Variants in PPARA observed in about 807,000 individuals in gnomAD.
PPARA encodes peroxisome proliferator-activated receptor alpha.
Under a neutral mutation model 42.2 loss-of-function variants are expected in PPARA, and 22 were observed. The observed-to-expected ratio is 0.52, with a 90% CI of 0.37 to 0.74. The LOEUF is 0.74. PPARA is among the 30% of genes least tolerant of loss of function. The pLI is 0.00. For synonymous variants in PPARA, 242 were observed against 239.3 expected, an observed-to-expected ratio of 1.01 and a Z score of -0.10; for missense variants, 465 against 608.2, an observed-to-expected ratio of 0.76 and a Z score of 2.48.
In PPARA at chr22:46,208,980, T is replaced by A. The variant is rs550603629; in HGVS notation, c.209-6193T>A. ...TTCGTTCATTAATGATCATTTAGGATGATTCCACATCAGGCTACTGTGTAT... is the reference window on the plus strand; with the variant it reads ...TTCGTTCATTAATGATCATTTAGGAAGATTCCACATCAGGCTACTGTGTAT... On this transcript the variant is annotated intron_variant, in intron 4 of 8. Transcript: ENST00000407236. 2.0e-5 allele frequency among the ~76,000 whole-genome samples: 3 copies of A among 152,232 alleles called. No homozygotes were observed. The East Asian group carries it at 5.8e-4, about 29-fold the overall frequency.
intron 2 of PPARA, among the ~76,000 whole-genome samples, chr22:46,174,245 A>AGAAGGAAGGAAGGAAG (rs1569196799): frequency 0.011 from 11 of 976 alleles, 1 homozygote; most frequent in African/African-American, 0.044. Context: ...AGAGAAAGAA[A>AGAAGGAAGGAAGGAAG]GAAAGAAGGA....
In PPARA at chr22:46,185,954, T is replaced by C. The variant is rs1274080745; in HGVS notation, c.-43+9118T>C. 1.2e-3 allele frequency among the ~76,000 whole-genome samples: 65 copies of C among 56,136 alleles called. 3 individuals carry two copies. The highest frequency in any genetic ancestry group is 3.8e-3 in the African/African-American group (59 of 15,364). The allele number at this position is 56,136 out of a possible 152,430, so 36.8% of individuals were successfully genotyped here. ...ATATATATATATATATATATATATA[T>C]ATATATATATACACACACACTAACC... is the stretch of plus-strand genomic sequence containing the variant. On this transcript the variant is annotated intron_variant, in intron 3 of 8. Transcript: ENST00000407236.
At chr22:46,189,676 G>A (rs1008267358) in intron 3 of PPARA, among the ~76,000 whole-genome samples, 9 of 151,480 alleles carry the variant, frequency 5.9e-5, no homozygotes, top group African/African-American at 2.2e-4. Context: ...TTTGGCACTG[G>A]TAATGATTAA....
chr22:46,189,815 C>T (rs1931297317), intron 3 of PPARA, among the ~76,000 whole-genome samples: 1 of 151,904 alleles, frequency 6.6e-6, no homozygotes, highest in South Asian at 2.1e-4. Context: ...AAGTGATTCT[C>T]CTGCCTCAGC....
Position 46,235,027 on chromosome 22 carries a change from T to C in PPARA, c.1160-106T>C. The C allele has an allele frequency of 6.6e-7, 1 of 1,519,788 alleles. No individual in the cohort carries two copies. The highest frequency in any genetic ancestry group is 1.7e-5 in the Admixed American group (1 of 59,172). The allele number at this position is 1,519,788 out of a possible 1,614,324, so 94.1% of individuals were successfully genotyped here. A position where few individuals can be genotyped will look rare whatever the true frequency, so the allele number is the denominator to read the frequency against. ...CAATATCTAAAGGCAGCTCAGTTTT[T>C]TTCTAAGAAAGGCCACATAAAATAG... On this transcript the variant is annotated intron_variant, in intron 8 of 8. Coordinates refer to ENST00000407236, the MANE Select transcript of PPARA (RefSeq NM_005036.6). This position sits in a 1 kb window ranked among gnomAD's most constrained non-coding sequence, Gnocchi z 7.0.
intron 3 of PPARA, among the ~76,000 whole-genome samples, chr22:46,179,260 A>G (rs1929602357): frequency 6.6e-6 from 1 of 152,244 alleles, no homozygotes; most frequent in Non-Finnish European, 1.5e-5. Flanking sequence ...ATATTACATC[A>G]TAACCAGTAG....
At chr22:46,166,949 A>G (rs1927167559) in intron 2 of PPARA, among the ~76,000 whole-genome samples, 1 of 152,320 alleles carries the variant, frequency 6.6e-6, no homozygotes, top group South Asian at 2.1e-4. Flanking sequence ...AGAACAACAC[A>G]GTTGAAGGAC....
chr22:46,177,331 A>G (rs1336006953), intron 3 of PPARA, among the ~76,000 whole-genome samples: 3 of 151,884 alleles, frequency 2.0e-5, no homozygotes, highest in East Asian at 3.9e-4. Context: ...ACTGATGACA[A>G]TATTTGGTAT....
Position 46,204,815 on chromosome 22 carries a change from T to C in PPARA, c.208+6224T>C, listed in dbSNP as rs564414334. ...TCCCCAGTGTGTGGTTTGTCTTTCT[T>C]TTCTTTCTACTGATAGTATCTTAAA... On this transcript the variant is annotated intron_variant, in intron 4 of 8. Coordinates refer to ENST00000407236, the MANE Select transcript of PPARA (RefSeq NM_005036.6). This position sits in a 1 kb window ranked among gnomAD's most constrained non-coding sequence, Gnocchi z 5.2. Among the ~76,000 whole-genome samples the C allele has an allele frequency of 6.6e-6, 1 of 152,234 alleles. No individual in the cohort carries two copies. Among genetic ancestry groups the C allele is most frequent in the African/African-American group, 2.4e-5 (1 of 41,542 alleles).
intron 2 of PPARA, among the ~76,000 whole-genome samples, chr22:46,169,333 C>T (rs1354514093): frequency 6.6e-6 from 1 of 151,968 alleles, no homozygotes; most frequent in Non-Finnish European, 1.5e-5. Context: ...CTCCCGGGTT[C>T]ACGCCAATCT....
intron 5 of PPARA, among the ~76,000 whole-genome samples, chr22:46,217,956 G>C (rs1275071933): frequency 6.7e-6 from 1 of 148,686 alleles, no homozygotes; most frequent in African/African-American, 2.5e-5. Context: ...TCAGCCTCCT[G>C]AGTAGCTGGG....
At position 46,232,339 on chromosome 22, in the gene PPARA, G is replaced by A. The variant is rs1458794991; in HGVS notation, c.1159+100G>A. On this transcript the variant is annotated intron_variant, in intron 8 of 8. Transcript: ENST00000407236. The surrounding 1 kb of genome is among the most constrained non-coding windows in gnomAD (Gnocchi z 5.3). Reference sequence around the variant, plus strand: ...TCCAGTACCAGCCTGAGCTGTTCCAGTGGAGGGGACACTCACATGGTGGGA... The same window carrying A: ...TCCAGTACCAGCCTGAGCTGTTCCAATGGAGGGGACACTCACATGGTGGGA... The A allele has an allele frequency of 3.3e-5, 40 of 1,223,318 alleles. No individual in the cohort carries two copies. Among genetic ancestry groups the A allele is most frequent in the Non-Finnish European group, 4.8e-5 (40 of 829,844 alleles). The allele number at this position is 1,223,318 out of a possible 1,614,324, so 75.8% of individuals were successfully genotyped here.
In PPARA at chr22:46,156,561, T is replaced by A. The variant is rs1925327127; in HGVS notation, c.-127+4591T>A. 6.6e-6 allele frequency: 1 copy of A among 152,182 alleles called. No individual in the cohort carries two copies. The highest frequency in any genetic ancestry group is 2.1e-4 in the South Asian group (1 of 4,832). The allele number at this position is 152,182 out of a possible 1,614,324, so 9.4% of individuals were successfully genotyped here. A position where few individuals can be genotyped will look rare whatever the true frequency, so the allele number is the denominator to read the frequency against. On this transcript the variant is annotated intron_variant, in intron 2 of 8. Transcript: ENST00000407236. The surrounding 1 kb of genome is among the most constrained non-coding windows in gnomAD (Gnocchi z 5.2). ...TCATTTTGGAATATAAAAGTGAGATTTCTCCACCAGTACAATAAAGTTGTT... is the reference window on the plus strand; with the variant it reads ...TCATTTTGGAATATAAAAGTGAGATATCTCCACCAGTACAATAAAGTTGTT...
rs1413369112 is a variant in PPARA, at chr22:46,232,619, C to A, written c.1159+380C>A. On this transcript the variant is annotated intron_variant, in intron 8 of 8. Coordinates refer to ENST00000407236, the MANE Select transcript of PPARA (RefSeq NM_005036.6). This position sits in a 1 kb window ranked among gnomAD's most constrained non-coding sequence, Gnocchi z 5.3. ...AATGAGTTATGAATGCACCACTGCA[C>A]TCTAGCCTGGGCAACAGAACAAGAC... Among the ~76,000 whole-genome samples the A allele has an allele frequency of 2.6e-5, 4 of 151,742 alleles. No individual in the cohort carries two copies. Among genetic ancestry groups the A allele is most frequent in the Middle Eastern group, 3.4e-3 (1 of 290 alleles).
At position 46,236,625 on chromosome 22, in the gene PPARA, C is replaced by T. The variant is rs1194828934; in HGVS notation, c.*1245C>T. The T allele has an allele frequency of 6.6e-6, 1 of 152,644 alleles. No individual in the cohort carries two copies. The allele number at this position is 152,644 out of a possible 1,614,324, so 9.5% of individuals were successfully genotyped here. On this transcript the variant is annotated 3_prime_UTR_variant, in exon 9 of 9. Coordinates refer to ENST00000407236, the MANE Select transcript of PPARA (RefSeq NM_005036.6). This position sits in a 1 kb window ranked among gnomAD's most constrained non-coding sequence, Gnocchi z 5.2. The stretch of plus-strand genomic sequence containing the variant: ...AGCTCCCGTATCTTTTGTTATGTTG[C>T]TTTTAAAGATATGATGTTTTATTGT...
rs1931014346 is a variant in PPARA at position 46,187,759 on chromosome 22, C to T, written c.-42-10583C>T. Among the ~76,000 whole-genome samples, 1 of 152,232 alleles carries T rather than the reference C, an allele frequency of 6.6e-6. No homozygotes were observed. Among genetic ancestry groups the T allele is most frequent in the African/African-American group, 2.4e-5 (1 of 41,464 alleles). On this transcript the variant is annotated intron_variant, in intron 3 of 8. Coordinates refer to ENST00000407236, the MANE Select transcript of PPARA (RefSeq NM_005036.6). This position sits in a 1 kb window ranked among gnomAD's most constrained non-coding sequence, Gnocchi z 4.9. ...CTACCTCTGCAGACTCACCTCTTGC[C>T]ACTTCTCCCTTGAGGTAGATCAAAA...
intron 2 of PPARA, 65 bp downstream of exon 2, chr22:46,152,035 C>T (rs1924508904): frequency 6.6e-6 from 1 of 151,572 alleles, no homozygotes. Flanking sequence ...GTGTTTACTT[C>T]TGTTGCACTA....
chr22:46,159,959 G>C (rs1248209253), intron 2 of PPARA, among the ~76,000 whole-genome samples: 1 of 152,222 alleles, frequency 6.6e-6, no homozygotes, highest in African/African-American at 2.4e-5. Flanking sequence ...AGGGAAGAAG[G>C]TGTGTACACC....
Position 46,183,920 on chromosome 22 carries a change from G to A in PPARA, c.-43+7084G>A, listed in dbSNP as rs1023642344. 6.6e-6 allele frequency among the ~76,000 whole-genome samples: 1 copy of A among 152,084 alleles called. No individual in the cohort carries two copies. The highest frequency in any genetic ancestry group is 1.5e-5 in the Non-Finnish European group (1 of 68,016). On this transcript the variant is annotated intron_variant, in intron 3 of 8. Transcript: ENST00000407236. The surrounding 1 kb of genome is among the most constrained non-coding windows in gnomAD (Gnocchi z 5.5). ...GGCTTGCTGCCTGAGGTCAAACCCC[G>A]GTCCCGGTGGTTCTGTGCCCCAGCG...
Sources: gnomAD v4.1 joint callset for allele counts (sites outside exome capture counted in the v4.1 genomes callset) on GRCh38, gnomAD v4.1.1 for gene constraint, Gnocchi (gnomAD v3.1) non-coding constraint, MANE v1.5 for transcripts, NCBI Gene and HGNC (gene_info 2026-07-23, HGNC 2026-07-21) for gene names.